The following ELP4 variants were observed in gnomAD, a reference collection of about 807,000 sequenced individuals.
ELP4 encodes the protein elongator complex protein 4.
Under a neutral mutation model 48.9 loss-of-function variants are expected in ELP4, and 51 were observed. That is an observed-to-expected ratio of 1.04 (90% confidence interval 0.83 to 1.32). The LOEUF (loss-of-function observed/expected upper bound fraction) is 1.32. ELP4 is among the 40% of genes most tolerant of loss of function. The pLI, the probability that ELP4 is intolerant of heterozygous loss-of-function variation, is 0.00. For missense variants in ELP4, 519 were observed against 514.6 expected (o/e 1.01, Z -0.08); for synonymous variants, 210 against 189.2 (o/e 1.11, Z -0.90).
At chr11:31,729,426 G>T (rs1947138933) in intron 9 of ELP4, among the ~76,000 whole-genome samples, 1 of 152,048 alleles carries the variant, frequency 6.6e-6, no homozygotes, top group African/African-American at 2.4e-5. Context: ...TAATCATTTT[G>T]GGAATTAAAT....
At chr11:31,707,467 A>T (rs2134166238) in intron 9 of ELP4, 1 of 152,904 alleles carries the variant, frequency 6.5e-6, no homozygotes, top group South Asian at 2.1e-4. Flanking sequence ...TTCTATAACA[A>T]TGTATTATTT....
At chr11:31,683,350 G>C (rs1946094920) in intron 9 of ELP4, among the ~76,000 whole-genome samples, 1 of 151,940 alleles carries the variant, frequency 6.6e-6, no homozygotes, top group Admixed American at 6.6e-5. Context: ...AAATTTTCTA[G>C]TTTATAATTT....
intron 2 of ELP4, among the ~76,000 whole-genome samples, chr11:31,536,891 T>C (rs1956510975): frequency 6.6e-6 from 1 of 152,238 alleles, no homozygotes; most frequent in South Asian, 2.1e-4. Flanking sequence ...AGTCCTCTAC[T>C]ATGTATATGT....
At chr11:31,755,144 C>T (rs751079015) in intron 9 of ELP4, among the ~76,000 whole-genome samples, 3 of 152,016 alleles carry the variant, frequency 2.0e-5, no homozygotes, top group Non-Finnish European at 4.4e-5. Context: ...TCCTAATGAC[C>T]AAAGATAAAA....
intron 1 of ELP4, chr11:31,512,334 G>A (rs1262583931): frequency 2.0e-5 from 3 of 152,078 alleles, no homozygotes; most frequent in South Asian, 4.1e-4. Context: ...CCACCGTGAC[G>A]TCATTGTAAT....
chr11:31,532,666 C>G (rs1232946381), intron 2 of ELP4, among the ~76,000 whole-genome samples: 1 of 151,370 alleles, frequency 6.6e-6, no homozygotes, highest in East Asian at 1.9e-4. Context: ...GTTTCTTTCT[C>G]TCATTACTAA....
intron 9 of ELP4, chr11:31,763,321 T>G: frequency 6.1e-5 from 71 of 1,154,718 alleles, no homozygotes; most frequent in Non-Finnish European, 8.0e-5. Flanking sequence ...AGAAAGAAAA[T>G]GAGATGTTAG....
intron 9 of ELP4, among the ~76,000 whole-genome samples, chr11:31,700,422 G>A (rs1021062322): frequency 1.5e-4 from 23 of 152,018 alleles, no homozygotes; most frequent in African/African-American, 4.1e-4. Context: ...AATAATATGA[G>A]TAGTCACAGT....
intron 6 of ELP4, among the ~76,000 whole-genome samples, chr11:31,631,451 T>C (rs1287649188): frequency 1.3e-5 from 2 of 152,192 alleles, no homozygotes; most frequent in African/African-American, 2.4e-5. Context: ...GCTGAATTTC[T>C]AAGGAAAGTA....
At chr11:31,729,865 C>T (rs539704010) in intron 9 of ELP4, among the ~76,000 whole-genome samples, 2 of 152,302 alleles carry the variant, frequency 1.3e-5, no homozygotes, top group South Asian at 2.1e-4. Flanking sequence ...TTGGCTGAGA[C>T]TTATTCTTCA....
chr11:31,597,659 C>T (rs906923752), intron 4 of ELP4, among the ~76,000 whole-genome samples: 9 of 152,068 alleles, frequency 5.9e-5, no homozygotes, highest in Non-Finnish European at 5.9e-5. Flanking sequence ...GCAACCTCCG[C>T]CTCCCAGGTT....
chr11:31,575,685 A>G (rs1273833578), intron 3 of ELP4, among the ~76,000 whole-genome samples: 1 of 152,226 alleles, frequency 6.6e-6, no homozygotes, highest in African/African-American at 2.4e-5. Context: ...ATATCCAGCC[A>G]AACTAAGCTT....
chr11:31,583,273 C>G (rs1957419618), intron 3 of ELP4, among the ~76,000 whole-genome samples: 2 of 151,988 alleles, frequency 1.3e-5, no homozygotes, highest in South Asian at 4.1e-4. Context: ...GTGATGTTTA[C>G]TATATTATTC....
intron 9 of ELP4, among the ~76,000 whole-genome samples, chr11:31,681,389 T>C (rs1946047950): frequency 6.6e-6 from 1 of 152,172 alleles, no homozygotes; most frequent in Admixed American, 6.5e-5. Flanking sequence ...GTATGCTTAG[T>C]CTAAATCAGT....
intron 9 of ELP4, among the ~76,000 whole-genome samples, chr11:31,675,200 G>T (rs1467929181): frequency 6.6e-6 from 1 of 152,150 alleles, no homozygotes; most frequent in Non-Finnish European, 1.5e-5. Flanking sequence ...GTGGCAGATT[G>T]AATGGGCAGA....
chr11:31,611,848 C>T (rs961030338), intron 5 of ELP4, among the ~76,000 whole-genome samples: 1 of 152,120 alleles, frequency 6.6e-6, no homozygotes, highest in Non-Finnish European at 1.5e-5. Flanking sequence ...TTTTCTATGG[C>T]AGAAGCTAAG....
At chr11:31,540,786 A>G (rs1425596652) in intron 3 of ELP4, among the ~76,000 whole-genome samples, 1 of 152,222 alleles carries the variant, frequency 6.6e-6, no homozygotes, top group South Asian at 2.1e-4. Flanking sequence ...TTGTTTGGTA[A>G]TTATATTACC....
chr11:31,601,800 T>A (rs1957789849), intron 4 of ELP4, among the ~76,000 whole-genome samples: 1 of 152,120 alleles, frequency 6.6e-6, no homozygotes, highest in Admixed American at 6.6e-5. Context: ...CAGGTAGGCT[T>A]TTGCAAGCTT....
intron 9 of ELP4, among the ~76,000 whole-genome samples, chr11:31,690,145 G>A (rs967923867): frequency 1.3e-5 from 2 of 152,274 alleles, no homozygotes; most frequent in African/African-American, 4.8e-5. Flanking sequence ...TCAAGAGAGT[G>A]CTTATGCAAG....
Sources: allele counts gnomAD v4.1 joint callset (sites outside exome capture counted in the v4.1 genomes callset), GRCh38; gene constraint gnomAD v4.1.1; transcripts MANE v1.5; gene names NCBI Gene and HGNC (gene_info 2026-07-23, HGNC 2026-07-21).